Variants in ACYP2 observed in about 807,000 individuals in gnomAD.
The protein encoded by ACYP2 is acylphosphatase 2, also known as acylphosphatase-2.
ACYP2 carries 12 observed loss-of-function variants against 11.2 expected under a neutral mutation model. That is an observed-to-expected ratio of 1.08 (90% CI 0.69 to 1.74). The LOEUF (loss-of-function observed/expected upper bound fraction) is 1.74, where lower values mean the gene tolerates loss of function less well. Ranked by LOEUF, ACYP2 falls within the 40% of genes most tolerant of loss-of-function variation. The pLI, the probability that ACYP2 is intolerant of heterozygous loss-of-function variation, is 0.00. For missense variants in ACYP2, 134 were observed against 101.9 expected (o/e 1.31, Z -1.35); for synonymous variants, 43 against 32.2 (o/e 1.33, Z -1.13).
intron 6 of ACYP2, among the ~76,000 whole-genome samples, chr2:54,284,277 C>A (rs1157522873): frequency 1.3e-5 from 2 of 152,228 alleles, no homozygotes. Flanking sequence ...TCACTGATCA[C>A]TGCACTTTCT....
At chr2:54,230,426 G>A (rs938228789) in intron 6 of ACYP2, among the ~76,000 whole-genome samples, 1 of 151,916 alleles carries the variant, frequency 6.6e-6, no homozygotes, top group Non-Finnish European at 1.5e-5. Flanking sequence ...GCGTGATCTC[G>A]ACTCACCACA....
intron 6 of ACYP2, among the ~76,000 whole-genome samples, chr2:54,293,945 A>G (rs2104150879): frequency 6.6e-6 from 1 of 152,360 alleles, no homozygotes; most frequent in African/African-American, 2.4e-5. Context: ...AAAATGTTAT[A>G]TATTATCCTT....
chr2:54,170,213 C>T (rs550786387), intron 6 of ACYP2, among the ~76,000 whole-genome samples: 7 of 152,246 alleles, frequency 4.6e-5, no homozygotes, highest in South Asian at 2.1e-4. Flanking sequence ...TGTGCAGTGG[C>T]GCGATCTTGG....
At chr2:54,181,875 T>A (rs2103869982) in intron 6 of ACYP2, among the ~76,000 whole-genome samples, 1 of 152,182 alleles carries the variant, frequency 6.6e-6, no homozygotes, top group African/African-American at 2.4e-5. Flanking sequence ...TTAAACTTTT[T>A]TTTGTTGTAA....
At chr2:54,036,327 G>C (rs1461918874) in intron 2 of ACYP2, among the ~76,000 whole-genome samples, 6 of 152,148 alleles carry the variant, frequency 3.9e-5, no homozygotes, top group Non-Finnish European at 8.8e-5. Flanking sequence ...CTCGACCTCA[G>C]GTGATTTCTG....
chr2:54,064,534 T>C (rs1212623927), intron 4 of ACYP2, among the ~76,000 whole-genome samples: 2 of 152,266 alleles, frequency 1.3e-5, no homozygotes, highest in African/African-American at 4.8e-5. Context: ...ATCTTTTTAA[T>C]ACATTTCTTT....
chr2:54,225,557 A>C (rs1488383867), intron 6 of ACYP2, among the ~76,000 whole-genome samples: 5 of 152,280 alleles, frequency 3.3e-5, no homozygotes, highest in African/African-American at 1.2e-4. Context: ...TGTCACGATG[A>C]AGTTCTACTC....
intron 2 of ACYP2, among the ~76,000 whole-genome samples, chr2:54,015,432 TG>T (rs1270757736): frequency 6.6e-6 from 1 of 151,898 alleles, no homozygotes; most frequent in Non-Finnish European, 1.5e-5. Flanking sequence ...CGCTTGAACC[TG>T]GGAGACAGAG....
intron 6 of ACYP2, among the ~76,000 whole-genome samples, chr2:54,287,873 T>C (rs1689144027): frequency 6.6e-6 from 1 of 152,026 alleles, no homozygotes; most frequent in Non-Finnish European, 1.5e-5. Context: ...CAGTGTTTGT[T>C]ATTTCTAGGT....
chr2:54,096,176 G>C (rs1461993293), intron 4 of ACYP2, among the ~76,000 whole-genome samples: 1 of 146,816 alleles, frequency 6.8e-6, no homozygotes, highest in Non-Finnish European at 1.5e-5. Flanking sequence ...GCCGGGTGGA[G>C]GGGCTCCTCA....
chr2:54,192,704 C>T (rs1200218272), intron 6 of ACYP2, among the ~76,000 whole-genome samples: 2 of 152,042 alleles, frequency 1.3e-5, no homozygotes, highest in Non-Finnish European at 2.9e-5. Context: ...TAAAGAACTG[C>T]CCGAGATTGG....
Position 54,013,271 on chromosome 2 carries a change from G to A in ACYP2, c.63-37687G>A, listed in dbSNP as rs1433817122. ...CCATCTAATATGTGTGTGTGTGTGTGTGTGTGTGTGTGTGTGTGTGTGTGT... is the reference window on the plus strand; with the variant it reads ...CCATCTAATATGTGTGTGTGTGTGTATGTGTGTGTGTGTGTGTGTGTGTGT... On this transcript the variant is annotated intron_variant, in intron 2 of 6. Coordinates refer to ENST00000607452, the MANE Select transcript of ACYP2 (RefSeq NM_001320586.2). 9.6e-3 allele frequency among the ~76,000 whole-genome samples: 1,191 copies of A among 124,466 alleles called. 44 individuals carry two copies. The highest frequency in any genetic ancestry group is 0.067 in the East Asian group (306 of 4,538). 81.7% of individuals were successfully genotyped at this position (124,466 alleles called of 152,430 possible). A position where few individuals can be genotyped will look rare whatever the true frequency, so the allele number is the denominator to read the frequency against.
At chr2:54,271,463 C>T (rs1688298264) in intron 6 of ACYP2, among the ~76,000 whole-genome samples, 1 of 151,868 alleles carries the variant, frequency 6.6e-6, no homozygotes, top group Non-Finnish European at 1.5e-5. Context: ...ACTCATGACT[C>T]AACCAGTGTG....
chr2:54,133,268 C>T (rs897388834), intron 4 of ACYP2, among the ~76,000 whole-genome samples: 1 of 152,194 alleles, frequency 6.6e-6, no homozygotes, highest in African/African-American at 2.4e-5. Flanking sequence ...TAGCATAATG[C>T]ATTTGTGATT....
intron 6 of ACYP2, among the ~76,000 whole-genome samples, chr2:54,201,698 CTTTT>C (rs1364436921): frequency 7.2e-6 from 1 of 138,678 alleles, no homozygotes; most frequent in Admixed American, 7.4e-5. Context: ...CTCTCTCTCT[CTTTT>C]TTCTTTTCTT....
intron 2 of ACYP2, among the ~76,000 whole-genome samples, chr2:53,991,131 C>T (rs1672270858): frequency 6.6e-6 from 1 of 152,136 alleles, no homozygotes; most frequent in Non-Finnish European, 1.5e-5. Context: ...CCAGGTGATG[C>T]TGCTGGTCAA....
At chr2:54,129,787 G>A (rs902314411) in intron 4 of ACYP2, among the ~76,000 whole-genome samples, 14 of 148,808 alleles carry the variant, frequency 9.4e-5, no homozygotes, top group Non-Finnish European at 1.9e-4. Flanking sequence ...TCATCACTTT[G>A]AAAGTAAACT....
chr2:54,025,872 T>G (rs1040899725), intron 2 of ACYP2, among the ~76,000 whole-genome samples: 1 of 152,076 alleles, frequency 6.6e-6, no homozygotes, highest in African/African-American at 2.4e-5. Flanking sequence ...GAGGCAGGAA[T>G]TTGAGGCTGA....
At chr2:54,153,631 GCT>G (rs1572862691) in intron 6 of ACYP2, among the ~76,000 whole-genome samples, 2 of 144,596 alleles carry the variant, frequency 1.4e-5, no homozygotes, top group Admixed American at 7.1e-5. Context: ...ACAGAGTCTC[GCT>G]CTGTCACCCA....
Sources: gnomAD v4.1 joint callset for allele counts (sites outside exome capture counted in the v4.1 genomes callset) on GRCh38, gnomAD v4.1.1 for gene constraint, MANE v1.5 for transcripts, NCBI Gene and HGNC (gene_info 2026-07-23, HGNC 2026-07-21) for gene names.